SEL1L2: variants seen among roughly 807,000 people sequenced by gnomAD.
SEL1L2 encodes the protein SEL1L2 adaptor subunit of SYVN1 ubiquitin ligase.
In SEL1L2, 89 loss-of-function variants were observed where a neutral mutation model predicts 98.8. The ratio of observed to expected loss-of-function variants is 0.90; its 90% CI spans 0.76 to 1.07. The LOEUF is 1.07. SEL1L2 is among the 50% of genes least tolerant of loss of function. SEL1L2 has a pLI of 0.00. For synonymous variants in SEL1L2, 262 were observed against 278.5 expected, an observed-to-expected ratio of 0.94 and a Z score of 0.59; for missense variants, 788 against 812.0, an observed-to-expected ratio of 0.97 and a Z score of 0.36.
intron 17 of SEL1L2, among the ~76,000 whole-genome samples, chr20:13,861,486 G>A (rs1437958572): frequency 1.3e-5 from 2 of 151,724 alleles, no homozygotes; most frequent in African/African-American, 4.8e-5. Context: ...GTTATATATA[G>A]TATATATGTA....
chr20:13,890,104 A>G (rs1600634368), intron 5 of SEL1L2, among the ~76,000 whole-genome samples: 1 of 152,322 alleles, frequency 6.6e-6, no homozygotes, highest in South Asian at 2.1e-4. Flanking sequence ...ATTTAATTTC[A>G]CCCATGATCC....
intron 18 of SEL1L2, 43 bp from the exon 19 acceptor site, chr20:13,850,362 GT>G (rs765067127): frequency 3.1e-6 from 5 of 1,603,868 alleles, no homozygotes; most frequent in Middle Eastern, 1.7e-4. Context: ...TTCTGTAGGG[GT>G]AAGTAAACAG....
At chr20:13,897,560 C>T (rs2047475366) in intron 5 of SEL1L2, among the ~76,000 whole-genome samples, 1 of 152,024 alleles carries the variant, frequency 6.6e-6, no homozygotes, top group Non-Finnish European at 1.5e-5. Context: ...TAACAAAAAC[C>T]CCCAAGTACC....
At chr20:13,967,884 CCT>C (rs377018233) in intron 1 of SEL1L2, among the ~76,000 whole-genome samples, 34 of 152,280 alleles carry the variant, frequency 2.2e-4, no homozygotes, top group African/African-American at 7.7e-4. Flanking sequence ...CTATTCCATT[CCT>C]CTCTTAACAG....
chr20:13,872,872 A>T (rs2046266163), intron 12 of SEL1L2, among the ~76,000 whole-genome samples: 1 of 152,130 alleles, frequency 6.6e-6, no homozygotes, highest in South Asian at 2.1e-4. Context: ...GTGCAGATGG[A>T]GACACGTGGA....
At chr20:13,991,918 T>C (rs931414971), upstream of SEL1L2, among the ~76,000 whole-genome samples, 1 of 151,632 alleles carries the variant, frequency 6.6e-6, no homozygotes, top group African/African-American at 2.4e-5. Context: ...GCTTGAATCC[T>C]GGGGCCAGGG....
chr20:13,852,421 G>A (rs1230134110), intron 18 of SEL1L2, among the ~76,000 whole-genome samples: 1 of 151,816 alleles, frequency 6.6e-6, no homozygotes, highest in African/African-American at 2.4e-5. Context: ...AGCTAACTAG[G>A]GCAACTCATA....
chr20:13,945,308 G>A (rs1450558618), intron 2 of SEL1L2, among the ~76,000 whole-genome samples: 1 of 152,088 alleles, frequency 6.6e-6, no homozygotes, highest in African/African-American at 2.4e-5. Flanking sequence ...CATTTAGTGT[G>A]ATATTCTTAC....
In SEL1L2 at chr20:13,893,738, G is replaced by C. The variant is rs528062312; in HGVS notation, c.550-5226C>G. On this transcript the variant is annotated intron_variant, in intron 5 of 19. Coordinates refer to ENST00000284951, the MANE Select transcript of SEL1L2 (RefSeq NM_025229.2). ...GAGCAAAAGTATACATTATTCTCAA[G>C]GGCGCACAAAAACAGTCTCCAAGAT... 9.2e-5 allele frequency among the ~76,000 whole-genome samples: 14 copies of C among 152,196 alleles called. No homozygotes were observed. In the South Asian group the frequency reaches 2.9e-3, roughly 32 times the overall value.
At chr20:13,858,933 G>A (rs1989597158) in intron 18 of SEL1L2, among the ~76,000 whole-genome samples, 1 of 152,168 alleles carries the variant, frequency 6.6e-6, no homozygotes, top group Non-Finnish European at 1.5e-5. Flanking sequence ...GGAAAGAAAG[G>A]CCCAGAGGTG....
intron 3 of SEL1L2, among the ~76,000 whole-genome samples, chr20:13,931,257 C>G (rs1430647417): frequency 6.6e-6 from 1 of 151,708 alleles, no homozygotes; most frequent in Non-Finnish European, 1.5e-5. Context: ...GTCTCGATCT[C>G]CTGACCTCGT....
chr20:13,870,253 A>C (rs2046121099), intron 12 of SEL1L2, 50 bp from the exon 13 acceptor site: 2 of 1,453,906 alleles, frequency 1.4e-6, no homozygotes, highest in Non-Finnish European at 1.9e-6. Flanking sequence ...ATTCATGATA[A>C]GGAAAATTAC....
intron 1 of SEL1L2, among the ~76,000 whole-genome samples, chr20:13,978,421 C>G (rs2051646831): frequency 6.6e-6 from 1 of 152,058 alleles, no homozygotes; most frequent in South Asian, 2.1e-4. Context: ...TTAACAAATG[C>G]TGGCAAGGAT....
chr20:13,880,121 C>T (rs1026110050), intron 10 of SEL1L2, among the ~76,000 whole-genome samples: 2 of 152,222 alleles, frequency 1.3e-5, no homozygotes, highest in African/African-American at 4.8e-5. Flanking sequence ...GAATGTCTAT[C>T]CATCTCTAAA....
rs1473434424 is a variant in SEL1L2, at chr20:13,887,904, C to T, written c.663+38G>A. 65 of 1,607,222 alleles carry T rather than the reference C, an allele frequency of 4.0e-5. 1 individual carries two copies. The highest frequency in any genetic ancestry group is 5.5e-5 in the Non-Finnish European group (64 of 1,174,008). ...ATTCAAGACAATGCTGTATTTATGG[C>T]ATACAAATTTGGTTCCAAGAATATT... On this transcript the variant is annotated intron_variant, in intron 7 of 19. Transcript: ENST00000284951.
chr20:13,867,926 C>T (rs891019512), intron 14 of SEL1L2, among the ~76,000 whole-genome samples: 4 of 151,996 alleles, frequency 2.6e-5, no homozygotes, highest in Non-Finnish European at 5.9e-5. Context: ...ACCCCTTGAC[C>T]GGATGTGACC....
In SEL1L2 at chr20:13,865,530, G is replaced by C; in HGVS notation, c.1405-16C>G. The stretch of plus-strand genomic sequence containing the variant: ...CTTTATAAAGCTGTACATGAGAGGA[G>C]AAATCAAGGAGACTAGTTAGCCAGT... On this transcript the variant is annotated splice_polypyrimidine_tract_variant and intron_variant, in intron 15 of 19. Transcript: ENST00000284951. The C allele has an allele frequency of 6.2e-7, 1 of 1,604,516 alleles. No individual in the cohort carries two copies. Among genetic ancestry groups the C allele is most frequent in the Non-Finnish European group, 8.5e-7 (1 of 1,175,718 alleles).
intron 18 of SEL1L2, among the ~76,000 whole-genome samples, chr20:13,854,643 C>A (rs1988844273): frequency 6.6e-6 from 1 of 152,160 alleles, no homozygotes; most frequent in Non-Finnish European, 1.5e-5. Flanking sequence ...TCCACAGAAC[C>A]AAGCACAGTG....
At chr20:13,879,581 G>A (rs1407793112) in intron 10 of SEL1L2, among the ~76,000 whole-genome samples, 2 of 152,098 alleles carry the variant, frequency 1.3e-5, no homozygotes, top group Admixed American at 1.3e-4. Context: ...TTGAACTCCT[G>A]ACCTCAGGTG....
Sources: allele counts gnomAD v4.1 joint callset (sites outside exome capture counted in the v4.1 genomes callset), GRCh38; gene constraint gnomAD v4.1.1; transcripts MANE v1.5; gene names NCBI Gene and HGNC (gene_info 2026-07-23, HGNC 2026-07-21).